Variants in KCNQ3 observed in about 807,000 individuals in gnomAD.
The protein encoded by KCNQ3 is potassium voltage-gated channel subfamily Q member 3.
In KCNQ3, 30 loss-of-function variants were observed where a neutral mutation model predicts 92.5. The ratio of observed to expected loss-of-function variants is 0.32; its 90% CI spans 0.24 to 0.44. The LOEUF (loss-of-function observed/expected upper bound fraction) is 0.44, where lower values mean the gene tolerates loss of function less well. KCNQ3 is among the 20% of genes least tolerant of loss of function. KCNQ3 has a pLI of 1.00. For missense variants in KCNQ3, 913 were observed against 1,140.3 expected (o/e 0.80, Z 2.87); for synonymous variants, 450 against 468.8 (o/e 0.96, Z 0.52).
chr8:132,330,256 A>G (rs1204208045), intron 1 of KCNQ3, among the ~76,000 whole-genome samples: 2 of 152,226 alleles, frequency 1.3e-5, no homozygotes, highest in African/African-American at 4.8e-5. Flanking sequence ...CAGAGTGGAC[A>G]AGACCCTGCT....
At chr8:132,380,931 G>GAAAAAAAAAAAAAAAAA (rs553931640) in intron 1 of KCNQ3, among the ~76,000 whole-genome samples, 10 of 87,480 alleles carry the variant, frequency 1.1e-4, no homozygotes, top group East Asian at 3.2e-4. Context: ...AATGAAAGCA[G>GAAAAAAAAAAAAAAAAA]AAAAAAAAAA....
At chr8:132,192,409 C>A (rs912177644) in intron 1 of KCNQ3, among the ~76,000 whole-genome samples, 1 of 152,216 alleles carries the variant, frequency 6.6e-6, no homozygotes, top group Non-Finnish European at 1.5e-5. Context: ...CAGACGGAGA[C>A]CACGTTATCA....
At chr8:132,274,544 C>T (rs1816264554) in intron 1 of KCNQ3, among the ~76,000 whole-genome samples, 1 of 152,234 alleles carries the variant, frequency 6.6e-6, no homozygotes, top group African/African-American at 2.4e-5. Flanking sequence ...CCACCCCTTT[C>T]TACAGAATAT....
intron 1 of KCNQ3, among the ~76,000 whole-genome samples, chr8:132,216,592 G>A (rs572617642): frequency 1.6e-4 from 24 of 152,184 alleles, no homozygotes; most frequent in East Asian, 5.8e-4. Flanking sequence ...TCTGGGTTTC[G>A]AAATTTTGAT....
At chr8:132,250,152 C>T (rs1011764741) in intron 1 of KCNQ3, among the ~76,000 whole-genome samples, 4 of 152,180 alleles carry the variant, frequency 2.6e-5, no homozygotes, top group Admixed American at 1.3e-4. Flanking sequence ...TCAGAGCGGA[C>T]GCCGAGGCCG....
At chr8:132,278,075 C>T (rs1287922479) in intron 1 of KCNQ3, 1 of 985,262 alleles carries the variant, frequency 1.0e-6, no homozygotes, top group Non-Finnish European at 1.2e-6. Context: ...ACACCAAAAT[C>T]TGTCCATCCT....
intron 1 of KCNQ3, among the ~76,000 whole-genome samples, chr8:132,353,203 G>A (rs1362001400): frequency 6.6e-6 from 1 of 151,960 alleles, no homozygotes. Flanking sequence ...TCCAGCCTGG[G>A]CAACAAGAGT....
At chr8:132,468,136 G>C (rs1392438733) in intron 1 of KCNQ3, among the ~76,000 whole-genome samples, 9 of 152,218 alleles carry the variant, frequency 5.9e-5, no homozygotes, top group African/African-American at 2.2e-4. Context: ...TGATTATTAA[G>C]TACTGCTGGT....
intron 1 of KCNQ3, among the ~76,000 whole-genome samples, chr8:132,198,769 T>C (rs1395538483): frequency 1.3e-5 from 2 of 152,158 alleles, no homozygotes; most frequent in Non-Finnish European, 2.9e-5. Flanking sequence ...ATCATGCCAC[T>C]GCACTCCAGC....
At chr8:132,154,326 T>TTTTCTATACATATAC (rs1212156663) in intron 9 of KCNQ3, among the ~76,000 whole-genome samples, 1 of 151,552 alleles carries the variant, frequency 6.6e-6, no homozygotes, top group African/African-American at 2.4e-5. Flanking sequence ...TATTTATACG[T>TTTTCTATACATATAC]GTTTTCTAAT....
intron 1 of KCNQ3, among the ~76,000 whole-genome samples, chr8:132,243,244 T>A (rs1815051378): frequency 6.6e-6 from 1 of 152,214 alleles, no homozygotes; most frequent in Non-Finnish European, 1.5e-5. Flanking sequence ...TTGCCCAAAC[T>A]TACAAAACTA....
At position 132,331,189 on chromosome 8, in the gene KCNQ3, GCT is replaced by G. The variant is rs1161652215; in HGVS notation, c.387-145010_387-145009del. On this transcript the variant is annotated intron_variant, in intron 1 of 14. Transcript: ENST00000388996. ...ACCTCAGGACAACCCTGTGGTAACAGCTCTCTCTGTACACTGCAGATGAGGAA... is the reference window on the plus strand; with the variant it reads ...ACCTCAGGACAACCCTGTGGTAACAGCTCTCTGTACACTGCAGATGAGGAA... 2.6e-5 allele frequency among the ~76,000 whole-genome samples: 4 copies of G among 152,156 alleles called. No individual in the cohort carries two copies. In the East Asian group the frequency reaches 7.7e-4, roughly 29 times the overall value.
intron 1 of KCNQ3, among the ~76,000 whole-genome samples, chr8:132,429,427 T>C (rs1317573899): frequency 2.6e-5 from 4 of 152,218 alleles, no homozygotes; most frequent in African/African-American, 9.6e-5. Context: ...AGGAAAGCTG[T>C]TGAAAACAGA....
At chr8:132,258,665 T>C (rs925843615) in intron 1 of KCNQ3, among the ~76,000 whole-genome samples, 19 of 151,708 alleles carry the variant, frequency 1.3e-4, no homozygotes, top group Middle Eastern at 3.4e-3. Context: ...ACAGCAGAAA[T>C]AAATGAAATA....
chr8:132,391,698 G>T (rs934187508), intron 1 of KCNQ3, among the ~76,000 whole-genome samples: 6 of 152,122 alleles, frequency 3.9e-5, no homozygotes, highest in African/African-American at 1.4e-4. Flanking sequence ...CCTCCCAACA[G>T]CAGGACACTC....
At chr8:132,448,891 C>G (rs1476857144) in intron 1 of KCNQ3, among the ~76,000 whole-genome samples, 3 of 152,160 alleles carry the variant, frequency 2.0e-5, no homozygotes, top group Non-Finnish European at 2.9e-5. Flanking sequence ...GGAAGGAAAT[C>G]ATCTTGAACA....
chr8:132,136,826 T>G (rs182554732), intron 12 of KCNQ3, among the ~76,000 whole-genome samples: 1 of 152,180 alleles, frequency 6.6e-6, no homozygotes, highest in Non-Finnish European at 1.5e-5. Context: ...AATCTCATTA[T>G]ATACTTTTTC....
chr8:132,393,381 A>G (rs1409639823), intron 1 of KCNQ3, among the ~76,000 whole-genome samples: 1 of 152,252 alleles, frequency 6.6e-6, no homozygotes, highest in African/African-American at 2.4e-5. Flanking sequence ...TTTTGGCTTC[A>G]CATGACCTGA....
At chr8:132,269,725 T>C (rs1000284410) in intron 1 of KCNQ3, among the ~76,000 whole-genome samples, 2 of 152,204 alleles carry the variant, frequency 1.3e-5, no homozygotes, top group African/African-American at 4.8e-5. Context: ...ACAAATCTTG[T>C]CTTCCCCACT....
Sources: gnomAD v4.1 joint callset for allele counts (sites outside exome capture counted in the v4.1 genomes callset) on GRCh38, gnomAD v4.1.1 for gene constraint, MANE v1.5 for transcripts, NCBI Gene and HGNC (gene_info 2026-07-23, HGNC 2026-07-21) for gene names.